Variants in EPC1 observed in about 807,000 individuals in gnomAD.
The protein encoded by EPC1 is enhancer of polycomb 1, also known as enhancer of polycomb homolog 1.
EPC1 carries 12 observed loss-of-function variants against 98.4 expected under a neutral mutation model. The ratio of observed to expected loss-of-function variants is 0.12; its 90% CI spans 0.08 to 0.20. EPC1 has a LOEUF of 0.20. EPC1 is among the 10% of genes least tolerant of loss of function. EPC1 has a pLI of 1.00. For missense variants in EPC1, 729 were observed against 990.5 expected, an observed-to-expected ratio of 0.74 and a Z score of 3.54; for synonymous variants, 357 against 363.9, an observed-to-expected ratio of 0.98 and a Z score of 0.21.
intron 1 of EPC1, among the ~76,000 whole-genome samples, chr10:32,352,488 C>A (rs796301195): frequency 6.6e-5 from 10 of 152,202 alleles, no homozygotes; most frequent in African/African-American, 1.4e-4. Context: ...CCACAGTGAA[C>A]CCTCAATAGA....
chr10:32,336,433 C>A (rs73247740), intron 1 of EPC1, among the ~76,000 whole-genome samples: 7,626 of 152,134 alleles, frequency 0.05, 605 homozygotes, highest in African/African-American at 0.17. Context: ...CAAACATTGA[C>A]CCTTGACAAA....
intron 2 of EPC1, among the ~76,000 whole-genome samples, chr10:32,300,316 A>C (rs1231317699): frequency 1.3e-5 from 2 of 152,036 alleles, no homozygotes; most frequent in Non-Finnish European, 2.9e-5. Flanking sequence ...ACATATGTAT[A>C]CATGTGCCAT....
chr10:32,325,006 AAAAT>A (rs983515967), intron 1 of EPC1, among the ~76,000 whole-genome samples: 127 of 152,258 alleles, frequency 8.3e-4, no homozygotes, highest in African/African-American at 2.9e-3. Flanking sequence ...TCTCAAAAGA[AAAAT>A]AAATAAATAA....
In EPC1 at chr10:32,316,969, G is replaced by A. The variant is rs377260027; in HGVS notation, c.154-11038C>T. 5.1e-4 allele frequency among the ~76,000 whole-genome samples: 77 copies of A among 152,310 alleles called. 3 individuals are homozygous for A. The South Asian group carries it at 0.01, about 20-fold the overall frequency. On this transcript the variant is annotated intron_variant, in intron 1 of 13. Transcript: ENST00000319778. The stretch of plus-strand genomic sequence containing the variant: ...GGGTGATAAAATAAATAATAACATG[G>A]AAGAATCTAGCTAGTGGTATATTAT...
intron 1 of EPC1, among the ~76,000 whole-genome samples, chr10:32,363,505 T>C (rs2505347): frequency 0.53 from 80,140 of 152,102 alleles, 23,377 homozygotes; most frequent in East Asian, 0.69. Flanking sequence ...GCTGGGTTTA[T>C]GCTAGCTGTC....
intron 1 of EPC1, among the ~76,000 whole-genome samples, chr10:32,329,519 A>G (rs1837512603): frequency 3.9e-5 from 6 of 152,214 alleles, no homozygotes; most frequent in Admixed American, 3.9e-4. Flanking sequence ...TTCTCTATTA[A>G]TGATAAAAAT....
chr10:32,316,865 T>C (rs749673272), intron 1 of EPC1, among the ~76,000 whole-genome samples: 1 of 152,234 alleles, frequency 6.6e-6, no homozygotes, highest in Non-Finnish European at 1.5e-5. Flanking sequence ...CATACTGAAG[T>C]ATTTAGGAAA....
chr10:32,346,944 T>G lies in EPC1; in HGVS notation c.-29A>C, dbSNP rs1838874867. On this transcript the variant is annotated 5_prime_UTR_variant, in exon 1 of 14. Coordinates refer to ENST00000319778, the MANE Select transcript of EPC1 (RefSeq NM_001272004.3). ...AGGCGCAGCAGATACCTCTCCGCTC[T>G]GGGGAAACGGCCCCGGCCAGCGGGA... 1 of 1,609,240 alleles carries G rather than the reference T, an allele frequency of 6.2e-7. No individual in the cohort carries two copies. The highest frequency in any genetic ancestry group is 8.5e-7 in the Non-Finnish European group (1 of 1,179,674).
chr10:32,274,201 A>T lies in EPC1; in HGVS notation c.1745-920T>A, dbSNP rs540267365. Among the ~76,000 whole-genome samples the T allele has an allele frequency of 2.0e-4, 30 of 151,948 alleles. No homozygotes were observed. In the South Asian group the frequency reaches 5.6e-3, roughly 28 times the overall value. On this transcript the variant is annotated intron_variant, in intron 10 of 13. Coordinates refer to ENST00000319778, the MANE Select transcript of EPC1 (RefSeq NM_001272004.3). ...TAAAGGCGTCTTTAAGAAGCCTGTG[A>T]TGTTTGAGTAAGAATTATTTTAAAA...
At chr10:32,362,551 G>A (rs1034621253) in intron 1 of EPC1, among the ~76,000 whole-genome samples, 4 of 152,070 alleles carry the variant, frequency 2.6e-5, no homozygotes, top group Non-Finnish European at 5.9e-5. Flanking sequence ...AGGCCTCCCC[G>A]GAAGCCGAGC....
intron 10 of EPC1, among the ~76,000 whole-genome samples, chr10:32,277,941 A>G (rs1473109639): frequency 1.3e-5 from 2 of 152,150 alleles, no homozygotes; most frequent in East Asian, 1.9e-4. Context: ...AACAGCCTAT[A>G]GTTCAGACTG....
Position 32,286,986 on chromosome 10 carries a change from T to C in EPC1, c.1182A>G (p.Glu394=), listed in dbSNP as rs761418999. The change falls in exon 8 of 14, where the codon GAA becomes GAG. Residue 394 remains glutamate, a synonymous_variant. Transcript: ENST00000319778. ...CAAAAGGACCATCAGGATCATTGTC[T>C]TCCTCAGCTTCCGAAGAGCCAGACA... ...QVLSGSSEAE[E]DNDPDGPFAF... is the part of the protein sequence containing the mutation. 1 of 1,614,186 alleles carries C rather than the reference T, an allele frequency of 6.2e-7. No individual in the cohort carries two copies.
At chr10:32,320,448 A>C (rs1268382795) in intron 1 of EPC1, among the ~76,000 whole-genome samples, 1 of 152,232 alleles carries the variant, frequency 6.6e-6, no homozygotes, top group Non-Finnish European at 1.5e-5. Flanking sequence ...CTGTGATTAA[A>C]TAATTTTGGG....
intron 1 of EPC1, among the ~76,000 whole-genome samples, chr10:32,310,387 A>G (rs1218502191): frequency 6.6e-6 from 1 of 152,206 alleles, no homozygotes; most frequent in Admixed American, 6.5e-5. Context: ...AACATGCCCA[A>G]GATGTACTAG....
chr10:32,346,341 C>A (rs1182276320), intron 1 of EPC1, among the ~76,000 whole-genome samples: 1 of 152,206 alleles, frequency 6.6e-6, no homozygotes. Context: ...TGGAGCGCCA[C>A]CCAGCGGCCC....
Position 32,318,578 on chromosome 10 carries a change from A to G in EPC1, c.154-12647T>C, listed in dbSNP as rs145300039. Among the ~76,000 whole-genome samples, 1,023 of 152,262 alleles carry G rather than the reference A, an allele frequency of 6.7e-3. 5 individuals are homozygous for G. Among genetic ancestry groups the G allele is most frequent in the Non-Finnish European group, 0.01 (696 of 68,010 alleles). On this transcript the variant is annotated intron_variant, in intron 1 of 13. Coordinates refer to ENST00000319778, the MANE Select transcript of EPC1 (RefSeq NM_001272004.3). Reference sequence around the variant, plus strand: ...TATATGTTCCACAGACATCTCTCACATAACATCGACACCCCTGCTCCATGA... The same window carrying G: ...TATATGTTCCACAGACATCTCTCACGTAACATCGACACCCCTGCTCCATGA...
intron 10 of EPC1, among the ~76,000 whole-genome samples, chr10:32,281,450 G>T (rs73245638): frequency 6.6e-6 from 1 of 152,224 alleles, no homozygotes; most frequent in East Asian, 1.9e-4. Context: ...TGGTTTGTAT[G>T]TGGGGGCCAT....
Position 32,321,423 on chromosome 10 carries a change from C to T in EPC1, c.154-15492G>A, listed in dbSNP as rs80022208. Among the ~76,000 whole-genome samples the T allele has an allele frequency of 9.3e-3, 1,408 of 151,880 alleles. 21 individuals carry two copies. Among genetic ancestry groups the T allele is most frequent in the African/African-American group, 0.03 (1,259 of 41,404 alleles). On this transcript the variant is annotated intron_variant, in intron 1 of 13. Transcript: ENST00000319778. ...TGCAGTGGCTATTAACAAGCACAAA[C>T]GGCACTTTACAGCCCCAAAATCCTG... is the stretch of plus-strand genomic sequence containing the variant.
chr10:32,359,150 A>G lies in EPC1; in HGVS notation c.3+19341T>C, dbSNP rs78163434. Among the ~76,000 whole-genome samples the G allele has an allele frequency of 6.7e-3, 1,014 of 152,328 alleles. 9 individuals are homozygous for G. Among genetic ancestry groups the G allele is most frequent in the Non-Finnish European group, 0.011 (770 of 68,028 alleles). On this transcript the variant is annotated intron_variant, in intron 1 of 13. Transcript: ENST00000375110. ...ATTCTAGGCAATTCAAGGAAATAGA[A>G]GTTTTTCCAATCAAGTTATCCATCT...
Sources: gnomAD v4.1 joint callset for allele counts (sites outside exome capture counted in the v4.1 genomes callset) on GRCh38, gnomAD v4.1.1 for gene constraint, MANE v1.5 for transcripts, NCBI Gene and HGNC (gene_info 2026-07-23, HGNC 2026-07-21) for gene names.